SCNN1A: variants seen among roughly 807,000 people sequenced by gnomAD.
SCNN1A encodes the protein epithelial sodium channel subunit alpha.
Under a neutral mutation model 68.6 loss-of-function variants are expected in SCNN1A, and 65 were observed. That is an observed-to-expected ratio of 0.95 (90% CI 0.78 to 1.16). The LOEUF (loss-of-function observed/expected upper bound fraction) is 1.16. Ranked by LOEUF, SCNN1A falls within the 50% of genes most tolerant of loss-of-function variation. SCNN1A has a pLI of 0.00. For synonymous variants in SCNN1A, 357 were observed against 353.3 expected (o/e 1.01, Z -0.12); for missense variants, 880 against 865.9 (o/e 1.02, Z -0.20).
chr12:6,360,219 G>A (rs1948560649), intron 4 of SCNN1A, among the ~76,000 whole-genome samples: 1 of 152,224 alleles, frequency 6.6e-6, no homozygotes, highest in African/African-American at 2.4e-5. Context: ...ACGCAGTAGG[G>A]TGGAGTGGTG....
intron 8 of SCNN1A, among the ~76,000 whole-genome samples, chr12:6,353,378 T>G (rs901671303): frequency 1.3e-5 from 2 of 151,922 alleles, no homozygotes; most frequent in Non-Finnish European, 2.9e-5. Context: ...TCTTCTAATA[T>G]TTTCTTCCTG....
Position 6,347,661 on chromosome 12 carries a change from G to C in SCNN1A, c.*212C>G. ...TTCAGAGGCAGTACCAAGGGGTACA[G>C]GGCTGGAGCCAAGGCACTTCTGGGC... On this transcript the variant is annotated 3_prime_UTR_variant, in exon 13 of 13. Transcript: ENST00000228916. 1 of 618,664 alleles carries C rather than the reference G, an allele frequency of 1.6e-6. No individual in the cohort carries two copies. The highest frequency in any genetic ancestry group is 2.9e-6 in the Non-Finnish European group (1 of 343,522). 38.3% of individuals were successfully genotyped at this position (618,664 alleles called of 1,614,324 possible). A position where few individuals can be genotyped will look rare whatever the true frequency, so the allele number is the denominator to read the frequency against.
In SCNN1A at chr12:6,347,689, C is replaced by T. The variant is rs1948281241; in HGVS notation, c.*184G>A. The T allele has an allele frequency of 2.0e-5, 13 of 641,218 alleles. No individual in the cohort carries two copies. In the East Asian group the frequency reaches 3.0e-4, roughly 15 times the overall value. The allele number at this position is 641,218 out of a possible 1,614,324, so 39.7% of individuals were successfully genotyped here. The stretch of plus-strand genomic sequence containing the variant: ...CTGGAGCCAAGGCACTTCTGGGCAG[C>T]TTCATCAGCTACTGTTCTTGGAGCA... On this transcript the variant is annotated 3_prime_UTR_variant, in exon 13 of 13. Coordinates refer to ENST00000228916, the MANE Select transcript of SCNN1A (RefSeq NM_001038.6).
intron 4 of SCNN1A, among the ~76,000 whole-genome samples, chr12:6,358,061 C>T (rs574787701): frequency 6.6e-6 from 1 of 152,324 alleles, no homozygotes; most frequent in South Asian, 2.1e-4. Flanking sequence ...TCCTGGGGCT[C>T]TAACAAGTAT....
Position 6,355,443 on chromosome 12 carries a change from T to C in SCNN1A, c.980-8A>G, listed in dbSNP as rs780151687. Reference sequence around the variant, plus strand: ...GCAGCATCAGGGACAGACCTAGGGGTGCAGAGAGAGCAGAGTTGGCAGAGG... The same window carrying C: ...GCAGCATCAGGGACAGACCTAGGGGCGCAGAGAGAGCAGAGTTGGCAGAGG... On this transcript the variant is annotated splice_region_variant and splice_polypyrimidine_tract_variant and intron_variant, in intron 5 of 12. Coordinates refer to ENST00000228916, the MANE Select transcript of SCNN1A (RefSeq NM_001038.6). 6.2e-7 allele frequency: 1 copy of C among 1,613,578 alleles called. No homozygotes were observed. Among genetic ancestry groups the C allele is most frequent in the South Asian group, 1.1e-5 (1 of 90,988 alleles).
chr12:6,353,825 G>C (rs755170905), intron 8 of SCNN1A: 1 of 146,110 alleles, frequency 6.8e-6, no homozygotes, highest in Non-Finnish European at 1.5e-5. Flanking sequence ...TCCTGACCTC[G>C]TGATCCGCCC....
intron 2 of SCNN1A, among the ~76,000 whole-genome samples, chr12:6,373,111 A>T (rs1192037697): frequency 1.3e-5 from 2 of 152,146 alleles, no homozygotes; most frequent in Non-Finnish European, 2.9e-5. Flanking sequence ...TACAGACGTT[A>T]ATCAACGAAA....
Position 6,347,653 on chromosome 12 carries a change from G to A in SCNN1A, c.*220C>T, listed in dbSNP as rs913175491. ...CCAGAGTGTTCAGAGGCAGTACCAA[G>A]GGGTACAGGGCTGGAGCCAAGGCAC... On this transcript the variant is annotated 3_prime_UTR_variant, in exon 13 of 13. Coordinates refer to ENST00000228916, the MANE Select transcript of SCNN1A (RefSeq NM_001038.6). 1 of 596,498 alleles carries A rather than the reference G, an allele frequency of 1.7e-6. No individual in the cohort carries two copies. The highest frequency in any genetic ancestry group is 3.0e-6 in the Non-Finnish European group (1 of 333,262). The allele number at this position is 596,498 out of a possible 1,614,324, so 37.0% of individuals were successfully genotyped here. A position where few individuals can be genotyped will look rare whatever the true frequency, so the allele number is the denominator to read the frequency against.
intron 2 of SCNN1A, among the ~76,000 whole-genome samples, chr12:6,368,476 A>G (rs1948718704): frequency 6.6e-6 from 1 of 152,224 alleles, no homozygotes; most frequent in South Asian, 2.1e-4. Context: ...ACTATGCATG[A>G]AGAAACCTTT....
chr12:6,354,280 G>A (rs1254149271), intron 8 of SCNN1A, 158 bp downstream of exon 8: 9 of 678,334 alleles, frequency 1.3e-5, no homozygotes, highest in African/African-American at 3.6e-5. Flanking sequence ...GAAACTGACA[G>A]AGGCAGAGAC....
At chr12:6,375,325 GC>G in intron 1 of SCNN1A, 179 bp downstream of exon 1, 1 of 1,438,878 alleles carries the variant, frequency 6.9e-7, no homozygotes, top group Non-Finnish European at 9.1e-7. Context: ...CTCACTCTAG[GC>G]CCTCAGCTCC....
chr12:6,354,374 G>T, intron 8 of SCNN1A, 64 bp downstream of exon 8: 1 of 1,060,204 alleles, frequency 9.4e-7, no homozygotes, highest in Non-Finnish European at 1.5e-6. Context: ...GGGACTGAGA[G>T]GAAAAAGTGC....
At chr12:6,354,944 A>T (rs1056753337) in intron 6 of SCNN1A, 96 bp from the exon 7 acceptor site, 3 of 1,034,710 alleles carry the variant, frequency 2.9e-6, no homozygotes, top group Non-Finnish European at 4.5e-6. Flanking sequence ...CACACCTGCC[A>T]GCCCCTCCTA....
chr12:6,370,926 C>CT (rs1209196801), intron 2 of SCNN1A, among the ~76,000 whole-genome samples: 2 of 152,172 alleles, frequency 1.3e-5, no homozygotes, highest in Admixed American at 6.5e-5. Context: ...TCTGTGGGCT[C>CT]TGTTTTCCAT....
upstream of SCNN1A, among the ~76,000 whole-genome samples, chr12:6,376,750 C>T (rs1216658826): frequency 6.6e-6 from 1 of 152,130 alleles, no homozygotes; most frequent in East Asian, 1.9e-4. Flanking sequence ...GCCCTGCACG[C>T]GGCAGGGAAG....
intron 7 of SCNN1A, 26 bp downstream of exon 7, chr12:6,354,724 T>C: frequency 6.3e-7 from 1 of 1,594,300 alleles, no homozygotes; most frequent in Non-Finnish European, 8.6e-7. Flanking sequence ...TGGGAGTGGC[T>C]GCCACGGAAT....
At chr12:6,366,003 T>C (rs1204354977) in intron 2 of SCNN1A, among the ~76,000 whole-genome samples, 1 of 152,030 alleles carries the variant, frequency 6.6e-6, no homozygotes, top group African/African-American at 2.4e-5. Context: ...TACAGGTGCG[T>C]GCCACCACGC....
chr12:6,360,499 G>A (rs1208147737), intron 4 of SCNN1A, among the ~76,000 whole-genome samples: 1 of 152,224 alleles, frequency 6.6e-6, no homozygotes, highest in Non-Finnish European at 1.5e-5. Context: ...GGTGACAGGT[G>A]TGGGCGGACT....
chr12:6,373,916 C>T (rs1948843965), intron 2 of SCNN1A, among the ~76,000 whole-genome samples: 1 of 152,220 alleles, frequency 6.6e-6, no homozygotes, highest in Non-Finnish European at 1.5e-5. Flanking sequence ...ACCACCTCCA[C>T]AGCACCTGCA....
Sources: allele counts gnomAD v4.1 joint callset (sites outside exome capture counted in the v4.1 genomes callset), GRCh38; gene constraint gnomAD v4.1.1; transcripts MANE v1.5; gene names NCBI Gene and HGNC (gene_info 2026-07-23, HGNC 2026-07-21).